The following CYP19A1 variants were observed in gnomAD, a reference collection of about 807,000 sequenced individuals.
The protein encoded by CYP19A1 is aromatase.
In CYP19A1, 32 loss-of-function variants were observed where a neutral mutation model predicts 44.4. The ratio of observed to expected loss-of-function variants is 0.72; its 90% CI spans 0.54 to 0.97. The LOEUF is 0.97. Among genes scored for constraint, CYP19A1 ranks in the 50% least tolerant of loss-of-function variants. CYP19A1 has a pLI of 0.00. For synonymous variants in CYP19A1, 212 were observed against 215.6 expected, an observed-to-expected ratio of 0.98 and a Z score of 0.14; for missense variants, 598 against 637.8, an observed-to-expected ratio of 0.94 and a Z score of 0.67.
At chr15:51,318,167 C>T (rs1028323531) in intron 1 of CYP19A1, among the ~76,000 whole-genome samples, 3 of 151,876 alleles carry the variant, frequency 2.0e-5, no homozygotes, top group South Asian at 2.1e-4. Flanking sequence ...GCACAGTGCT[C>T]GGTGCTTTAT....
intron 1 of CYP19A1, among the ~76,000 whole-genome samples, chr15:51,267,540 C>G (rs1459994797): frequency 6.6e-6 from 1 of 152,164 alleles, no homozygotes; most frequent in Non-Finnish European, 1.5e-5. Context: ...GCCGCCCCCA[C>G]GTCCGTGGCC....
intron 8 of CYP19A1, among the ~76,000 whole-genome samples, chr15:51,213,156 C>A (rs1020671363): frequency 6.6e-6 from 1 of 152,134 alleles, no homozygotes; most frequent in African/African-American, 2.4e-5. Flanking sequence ...AGTCATCTGC[C>A]CATACATGTC....
chr15:51,292,948 T>C (rs2035882372), intron 1 of CYP19A1, among the ~76,000 whole-genome samples: 1 of 151,802 alleles, frequency 6.6e-6, no homozygotes, highest in Non-Finnish European at 1.5e-5. Context: ...AGAATATGGA[T>C]TGAGTGCTCC....
intron 1 of CYP19A1, among the ~76,000 whole-genome samples, chr15:51,275,621 A>G (rs1360356070): frequency 6.6e-6 from 1 of 152,252 alleles, no homozygotes; most frequent in Non-Finnish European, 1.5e-5. Flanking sequence ...AAGGTTAAGC[A>G]AAACTGCACG....
chr15:51,328,649 A>G lies in CYP19A1; in HGVS notation c.-39+9846T>C, dbSNP rs552276285. Among the ~76,000 whole-genome samples the G allele has an allele frequency of 9.9e-5, 15 of 151,436 alleles. No homozygotes were observed. The South Asian group carries it at 2.9e-3, about 30-fold the overall frequency. ...GAGTTGAGAGTCATCTGATCCCCCT[A>G]TTGCTCCCTGTGATGGTTAATTTTA... On this transcript the variant is annotated intron_variant, in intron 1 of 9. Transcript: ENST00000396402.
intron 3 of CYP19A1, 39 bp downstream of exon 3, chr15:51,236,820 C>T (rs1441858717): frequency 1.9e-5 from 30 of 1,612,472 alleles, no homozygotes; most frequent in Non-Finnish European, 1.7e-5. Flanking sequence ...ACTCCAGCCT[C>T]GATTTAAAAA....
intron 1 of CYP19A1, among the ~76,000 whole-genome samples, chr15:51,285,260 T>C (rs1297375428): frequency 6.6e-6 from 1 of 152,152 alleles, no homozygotes. Context: ...GGATTAAGGG[T>C]CCTCTTGTAA....
chr15:51,266,782 C>T (rs539750730), intron 1 of CYP19A1, among the ~76,000 whole-genome samples: 2 of 152,320 alleles, frequency 1.3e-5, no homozygotes, highest in East Asian at 1.9e-4. Flanking sequence ...GGGCAGGGCA[C>T]GGAAAGCCTT....
At chr15:51,231,758 C>G (rs188183693) in intron 3 of CYP19A1, among the ~76,000 whole-genome samples, 2 of 152,194 alleles carry the variant, frequency 1.3e-5, no homozygotes, top group Non-Finnish European at 2.9e-5. Flanking sequence ...TCTCACTCTT[C>G]TAGATGACTA....
chr15:51,323,544 C>G (rs2036561312), intron 1 of CYP19A1, among the ~76,000 whole-genome samples: 1 of 151,162 alleles, frequency 6.6e-6, no homozygotes. Flanking sequence ...TATTTAACCA[C>G]TGTGAAATTC....
chr15:51,280,752 A>T (rs1345092023), intron 1 of CYP19A1, among the ~76,000 whole-genome samples: 4 of 152,156 alleles, frequency 2.6e-5, no homozygotes, highest in Non-Finnish European at 5.9e-5. Context: ...TGGAAAAAAA[A>T]TTTTGGTACA....
chr15:51,253,501 C>G (rs1019399782), intron 1 of CYP19A1, among the ~76,000 whole-genome samples: 8 of 152,138 alleles, frequency 5.3e-5, no homozygotes, highest in Non-Finnish European at 1.2e-4. Flanking sequence ...GTGAGAGCCA[C>G]GAGGTCACTG....
intron 1 of CYP19A1, among the ~76,000 whole-genome samples, chr15:51,289,050 G>A (rs547320043): frequency 4.6e-5 from 7 of 152,288 alleles, no homozygotes; most frequent in African/African-American, 1.2e-4. Flanking sequence ...TGCGGTCATT[G>A]CTACAGAACT....
chr15:51,337,764 G>A (rs1160567818), intron 1 of CYP19A1: 1 of 152,680 alleles, frequency 6.5e-6, no homozygotes, highest in Non-Finnish European at 1.5e-5. Flanking sequence ...GGCAGAGCAT[G>A]GCAGCTGCTT....
chr15:51,288,091 G>A (rs2140983812), intron 1 of CYP19A1, among the ~76,000 whole-genome samples: 1 of 152,216 alleles, frequency 6.6e-6, no homozygotes, highest in Non-Finnish European at 1.5e-5. Flanking sequence ...CAAGAGTAAG[G>A]ACCATGTCTT....
chr15:51,279,092 A>T (rs1294969169), intron 1 of CYP19A1: 1 of 152,014 alleles, frequency 6.6e-6, no homozygotes, highest in African/African-American at 2.4e-5. Flanking sequence ...TCCTTTTTCT[A>T]CCTCCTCCAT....
At chr15:51,338,383 C>T (rs1250334977) in intron 1 of CYP19A1, 112 bp downstream of exon 1, 1 of 152,214 alleles carries the variant, frequency 6.6e-6, no homozygotes, top group African/African-American at 2.4e-5. Flanking sequence ...CCCCCACACA[C>T]CAAGCAGCGG....
chr15:51,215,635 A>G (rs2031494227), intron 7 of CYP19A1, 68 bp downstream of exon 7: 8 of 1,612,572 alleles, frequency 5.0e-6, no homozygotes, highest in Non-Finnish European at 6.8e-6. Flanking sequence ...ACAAAAGGGG[A>G]TCTTTACACA....
At position 51,239,694 on chromosome 15, in the gene CYP19A1, TGAGA is replaced by T. The variant is rs145763918; in HGVS notation, c.146-2689_146-2686del. 4.1e-5 allele frequency among the ~76,000 whole-genome samples: 6 copies of T among 146,668 alleles called. No homozygotes were observed. In the East Asian group the frequency reaches 1.2e-3, roughly 29 times the overall value. ...TCAAAGACAGTGTTTTGCTCTGGAG[TGAGA>T]GAGAGAGAGTGATTACAAAGGCACA... On this transcript the variant is annotated intron_variant, in intron 2 of 9. Coordinates refer to ENST00000396402, the MANE Select transcript of CYP19A1 (RefSeq NM_000103.4).
Sources: gnomAD v4.1 joint callset for allele counts (sites outside exome capture counted in the v4.1 genomes callset) on GRCh38, gnomAD v4.1.1 for gene constraint, MANE v1.5 for transcripts, NCBI Gene and HGNC (gene_info 2026-07-23, HGNC 2026-07-21) for gene names.